The following ALKAL1 variants were observed in gnomAD, a reference collection of about 807,000 sequenced individuals.
ALKAL1 encodes AUG-beta.
ALKAL1 carries 23 observed loss-of-function variants against 13.5 expected under a neutral mutation model. That is an observed-to-expected ratio of 1.70 (90% CI 1.23 to 2.41). The LOEUF (loss-of-function observed/expected upper bound fraction) is 2.41, where lower values mean the gene tolerates loss of function less well. Ranked by LOEUF, ALKAL1 falls within the 30% of genes most tolerant of loss-of-function variation. The probability of loss-of-function intolerance (pLI) is 0.00; values close to 1 mark genes in which losing one functional copy is unlikely to be tolerated. For missense variants in ALKAL1, 181 were observed against 178.4 expected (o/e 1.01, Z -0.08); for synonymous variants, 85 against 77.7 (o/e 1.09, Z -0.49).
intron 1 of ALKAL1, among the ~76,000 whole-genome samples, chr8:52,545,681 T>C (rs944842250): frequency 2.0e-5 from 3 of 152,202 alleles, no homozygotes; most frequent in African/African-American, 7.2e-5. Flanking sequence ...TAAGCACATG[T>C]CAGCAGGACC....
chr8:52,558,963 G>C (rs1847512615), intron 1 of ALKAL1, among the ~76,000 whole-genome samples: 1 of 152,132 alleles, frequency 6.6e-6, no homozygotes, highest in Non-Finnish European at 1.5e-5. Flanking sequence ...AAGTGAAGGG[G>C]AGCCGCTGTG....
chr8:52,541,720 C>T (rs762189744), intron 2 of ALKAL1, among the ~76,000 whole-genome samples: 6 of 151,980 alleles, frequency 3.9e-5, no homozygotes, highest in Middle Eastern at 3.4e-3. Flanking sequence ...CGTGCCACCG[C>T]GCTCCAGCCT....
chr8:52,542,568 T>A lies in ALKAL1; in HGVS notation c.191-123A>T. On this transcript the variant is annotated intron_variant, in intron 1 of 4. Transcript: ENST00000358543. Reference sequence around the variant, plus strand: ...ATGGATTTGTGACAGTTTATTTAGCTGATCCCAAACTGGTTTCTCCAGCCC... The same window carrying A: ...ATGGATTTGTGACAGTTTATTTAGCAGATCCCAAACTGGTTTCTCCAGCCC... 4.6e-6 allele frequency: 3 copies of A among 652,222 alleles called. No homozygotes were observed. In the South Asian group the frequency reaches 6.0e-5, roughly 13 times the overall value. 40.4% of individuals were successfully genotyped at this position (652,222 alleles called of 1,614,324 possible). A position where few individuals can be genotyped will look rare whatever the true frequency, so the allele number is the denominator to read the frequency against.
chr8:52,561,013 G>C (rs1847544288), intron 1 of ALKAL1, among the ~76,000 whole-genome samples: 1 of 152,052 alleles, frequency 6.6e-6, no homozygotes, highest in Non-Finnish European at 1.5e-5. Flanking sequence ...ATCATTTCTT[G>C]TGCCTACATA....
Position 52,565,097 on chromosome 8 carries a change from C to T in ALKAL1, c.160G>A (p.Gly54Ser), listed in dbSNP as rs1382651211. 4.2e-6 allele frequency: 6 copies of T among 1,414,998 alleles called. No homozygotes were observed. The highest frequency in any genetic ancestry group is 3.0e-5 in the Admixed American group (1 of 33,748). 87.7% of individuals were successfully genotyped at this position (1,414,998 alleles called of 1,614,324 possible). A position where few individuals can be genotyped will look rare whatever the true frequency, so the allele number is the denominator to read the frequency against. ...CTCCGGGAGCCGCTGGGAGTCCGGC[C>T]GGCCCCGGCCGCGGGGAGGAAAAGC... ...PLLFLPAAGA[G>S]RTPSGSRSAE... Residue 54 changes from glycine (G) to serine (S), a missense_variant, in exon 1 of 5, where the codon GGC (glycine) becomes AGC (serine). Physicochemically the swap from Gly to Ser is moderately conservative, Grantham distance 56 (BLOSUM62 0). Coordinates refer to ENST00000358543, the MANE Select transcript of ALKAL1 (RefSeq NM_207413.4).
At chr8:52,548,915 A>T (rs1294097128) in intron 1 of ALKAL1, among the ~76,000 whole-genome samples, 1 of 152,114 alleles carries the variant, frequency 6.6e-6, no homozygotes, top group Non-Finnish European at 1.5e-5. Context: ...ACTATCTCTT[A>T]TTCTTATATT....
chr8:52,539,029 C>T (rs543588612), intron 3 of ALKAL1, among the ~76,000 whole-genome samples: 1 of 152,110 alleles, frequency 6.6e-6, no homozygotes, highest in South Asian at 2.1e-4. Flanking sequence ...TGAGCTCAAG[C>T]GATCCGCTTG....
intron 4 of ALKAL1, among the ~76,000 whole-genome samples, chr8:52,537,358 T>C (rs1050120884): frequency 3.3e-5 from 5 of 152,182 alleles, no homozygotes; most frequent in African/African-American, 7.2e-5. Context: ...GGAACCTTTA[T>C]ATACTGTTGG....
rs150457358 is a variant in ALKAL1, at chr8:52,554,373, A to T, written c.190+10694T>A. Among the ~76,000 whole-genome samples the T allele has an allele frequency of 6.0e-3, 916 of 152,366 alleles. 10 individuals are homozygous for T. The highest frequency in any genetic ancestry group is 0.021 in the African/African-American group (876 of 41,588). ...TGCGGAAAACACAGGATCAAGCCCT[A>T]ATAATGTTCTTGGATTAGGCAGTGA... On this transcript the variant is annotated intron_variant, in intron 1 of 4. Coordinates refer to ENST00000358543, the MANE Select transcript of ALKAL1 (RefSeq NM_207413.4).
chr8:52,555,405 T>C (rs1421823930), intron 1 of ALKAL1, among the ~76,000 whole-genome samples: 1 of 152,082 alleles, frequency 6.6e-6, no homozygotes, highest in African/African-American at 2.4e-5. Flanking sequence ...CCTCTCAGGG[T>C]AGCCATTCCT....
chr8:52,560,130 C>T (rs13272763), intron 1 of ALKAL1, among the ~76,000 whole-genome samples: 7 of 151,788 alleles, frequency 4.6e-5, no homozygotes, highest in African/African-American at 1.5e-4. Flanking sequence ...AAGAAAAAAA[C>T]GCTATCTGTG....
intron 1 of ALKAL1, among the ~76,000 whole-genome samples, chr8:52,542,939 T>G (rs1847328598): frequency 6.6e-6 from 1 of 152,260 alleles, no homozygotes; most frequent in Non-Finnish European, 1.5e-5. Flanking sequence ...ATCGTCCTTT[T>G]GTGACCATGC....
At chr8:52,547,750 G>T (rs776432569) in intron 1 of ALKAL1, among the ~76,000 whole-genome samples, 2 of 152,210 alleles carry the variant, frequency 1.3e-5, no homozygotes, top group Non-Finnish European at 2.9e-5. Context: ...CACTTTGGGA[G>T]GATGAGGCTG....
At chr8:52,544,829 A>G (rs183507297) in intron 1 of ALKAL1, among the ~76,000 whole-genome samples, 1 of 152,362 alleles carries the variant, frequency 6.6e-6, no homozygotes, top group Non-Finnish European at 1.5e-5. Context: ...CACTCTGTAT[A>G]CATATATCAA....
intron 1 of ALKAL1, among the ~76,000 whole-genome samples, chr8:52,547,973 C>T (rs901104052): frequency 6.6e-5 from 10 of 152,364 alleles, no homozygotes; most frequent in Non-Finnish European, 1.2e-4. Flanking sequence ...ACATTCAGCA[C>T]ATCTCAGTTT....
chr8:52,539,006 G>T (rs2033935), intron 3 of ALKAL1, among the ~76,000 whole-genome samples: 29,518 of 151,968 alleles, frequency 0.19, 3,830 homozygotes, highest in East Asian at 0.65. Context: ...TGCCAAGGCT[G>T]GTCTCAAACG....
intron 1 of ALKAL1, among the ~76,000 whole-genome samples, chr8:52,554,670 C>A (rs546701873): frequency 6.6e-6 from 1 of 152,294 alleles, no homozygotes; most frequent in African/African-American, 2.4e-5. Flanking sequence ...CTTTTGGAAT[C>A]TTTCATGGAT....
intron 2 of ALKAL1, among the ~76,000 whole-genome samples, chr8:52,541,484 T>C (rs1323126399): frequency 1.3e-5 from 2 of 152,080 alleles, no homozygotes; most frequent in East Asian, 3.9e-4. Flanking sequence ...TAAAAAATTT[T>C]TGGCCGGGCG....
chr8:52,543,371 G>A (rs144902969), intron 1 of ALKAL1, among the ~76,000 whole-genome samples: 59 of 152,330 alleles, frequency 3.9e-4, no homozygotes, highest in African/African-American at 1.3e-3. Context: ...ACAAGGCAGT[G>A]GTGACTGAGG....
Sources: allele counts gnomAD v4.1 joint callset (sites outside exome capture counted in the v4.1 genomes callset), GRCh38; gene constraint gnomAD v4.1.1; transcripts MANE v1.5; gene names NCBI Gene and HGNC (gene_info 2026-07-23, HGNC 2026-07-21).